ANKS1B: variants seen among roughly 807,000 people sequenced by gnomAD.
ANKS1B encodes ankyrin repeat and sterile alpha motif domain-containing protein 1B.
ANKS1B carries 36 observed loss-of-function variants against 148.3 expected under a neutral mutation model. The ratio of observed to expected loss-of-function variants is 0.24; its 90% CI spans 0.19 to 0.32. The LOEUF (loss-of-function observed/expected upper bound fraction) is 0.32. Among genes scored for constraint, ANKS1B ranks in the 10% least tolerant of loss-of-function variants. ANKS1B has a pLI of 1.00. For missense variants in ANKS1B, 1,157 were observed against 1,542.6 expected (o/e 0.75, Z 4.19); for synonymous variants, 542 against 560.8 (o/e 0.97, Z 0.47).
Position 99,564,491 on chromosome 12 carries a change from C to T in ANKS1B, c.1273-59850G>A, listed in dbSNP as rs529226422. 3.0e-4 allele frequency among the ~76,000 whole-genome samples: 45 copies of T among 151,528 alleles called. 1 individual carries two copies. The highest frequency in any genetic ancestry group is 9.7e-4 in the African/African-American group (40 of 41,374). ...TACATATTTAGAGAAAAAATAGAGA[C>T]CAATTTAAGAAATTCATGTTAATAA... On this transcript the variant is annotated intron_variant, in intron 9 of 26. Coordinates refer to ENST00000683438, the MANE Select transcript of ANKS1B (RefSeq NM_001352186.2).
At chr12:99,452,201 G>A (rs770372275) in intron 10 of ANKS1B, among the ~76,000 whole-genome samples, 1 of 151,940 alleles carries the variant, frequency 6.6e-6, no homozygotes, top group Non-Finnish European at 1.5e-5. Flanking sequence ...GGGTGTGTCC[G>A]TATTCCAAGA....
At chr12:98,942,961 A>G (rs1271650304) in intron 17 of ANKS1B, among the ~76,000 whole-genome samples, 1 of 152,250 alleles carries the variant, frequency 6.6e-6, no homozygotes, top group Non-Finnish European at 1.5e-5. Context: ...AATAGTGAGG[A>G]GTTCAAATGA....
At chr12:99,084,448 CTGTAA>C (rs552912437) in intron 16 of ANKS1B, among the ~76,000 whole-genome samples, 20 of 152,170 alleles carry the variant, frequency 1.3e-4, no homozygotes, top group Admixed American at 2.6e-4. Flanking sequence ...GGGTTCATGC[CTGTAA>C]TCCCAGAAGT....
intron 24 of ANKS1B, 105 bp downstream of exon 24, chr12:98,781,012 A>T: frequency 1.5e-6 from 1 of 671,996 alleles, no homozygotes; most frequent in Non-Finnish European, 2.5e-6. Flanking sequence ...GGGGAAAGGG[A>T]TGATTACAGT....
chr12:99,417,893 A>T (rs2094958942), intron 11 of ANKS1B, among the ~76,000 whole-genome samples: 1 of 152,206 alleles, frequency 6.6e-6, no homozygotes, highest in Non-Finnish European at 1.5e-5. Flanking sequence ...TTTATCAGGA[A>T]AAACCCTGCA....
At chr12:99,632,133 G>A (rs1047038793) in intron 9 of ANKS1B, among the ~76,000 whole-genome samples, 3 of 152,148 alleles carry the variant, frequency 2.0e-5, no homozygotes, top group Non-Finnish European at 4.4e-5. Flanking sequence ...GGTGCTCCAT[G>A]GTTGCCCCAG....
At chr12:99,030,154 A>G (rs2099951120) in intron 17 of ANKS1B, among the ~76,000 whole-genome samples, 1 of 152,222 alleles carries the variant, frequency 6.6e-6, no homozygotes, top group Non-Finnish European at 1.5e-5. Flanking sequence ...GCCTGGGCAC[A>G]CGTCAAAGAG....
intron 15 of ANKS1B, among the ~76,000 whole-genome samples, chr12:99,136,825 T>C (rs1277134309): frequency 6.6e-6 from 1 of 152,202 alleles, no homozygotes; most frequent in Non-Finnish European, 1.5e-5. Flanking sequence ...TATATATGTA[T>C]TATTTCATTT....
chr12:99,181,815 T>TAGTTATTTTTAA lies in ANKS1B; in HGVS notation c.2420-27432_2420-27421dup, dbSNP rs541314771. On this transcript the variant is annotated intron_variant, in intron 14 of 26. Coordinates refer to ENST00000683438, the MANE Select transcript of ANKS1B (RefSeq NM_001352186.2). ...TACAAACAGTCCAAGTACACTCTTTTAGTTATTTTTAAATGTATAATTAAA... is the reference window on the plus strand; with the variant it reads ...TACAAACAGTCCAAGTACACTCTTTTAGTTATTTTTAAAGTTATTTTTAAATGTATAATTAAA... 2.6e-4 allele frequency among the ~76,000 whole-genome samples: 40 copies of TAGTTATTTTTAA among 151,972 alleles called. 1 individual carries two copies. In the South Asian group the frequency reaches 8.1e-3, roughly 31 times the overall value.
chr12:99,301,124 G>A (rs2081540020), intron 12 of ANKS1B, among the ~76,000 whole-genome samples: 1 of 152,220 alleles, frequency 6.6e-6, no homozygotes, highest in South Asian at 2.1e-4. Flanking sequence ...GAAGATGGAT[G>A]TCCCAGCTCA....
intron 17 of ANKS1B, among the ~76,000 whole-genome samples, chr12:98,936,034 C>T (rs1262720547): frequency 6.6e-6 from 1 of 152,072 alleles, no homozygotes; most frequent in Admixed American, 6.6e-5. Flanking sequence ...ATGCCTTCTG[C>T]ATGATGCAAG....
chr12:99,653,629 AGATTTTGCTT>A (rs2098435715), intron 9 of ANKS1B, among the ~76,000 whole-genome samples: 1 of 150,834 alleles, frequency 6.6e-6, no homozygotes, highest in African/African-American at 2.4e-5. Context: ...TACATCCATC[AGATTTTGCTT>A]GATAAAGAAG....
chr12:99,443,718 G>A lies in ANKS1B; in HGVS notation c.1530C>T (p.Ser510=), dbSNP rs377316097. The change falls in exon 11 of 27, where the codon TCC becomes TCT. Residue 510 remains serine, a synonymous_variant. Coordinates refer to ENST00000683438, the MANE Select transcript of ANKS1B (RefSeq NM_001352186.2). ...TGPTPDCSPP[S]PDTALKNIVK... is the part of the protein sequence containing the mutation. ...CAATATTTTTGAGGGCAGTATCAGGGGATGGAGGTGAACAATCAGGTGTTG... is the reference window on the plus strand; with the variant it reads ...CAATATTTTTGAGGGCAGTATCAGGAGATGGAGGTGAACAATCAGGTGTTG... 12 of 1,612,218 alleles carry A rather than the reference G, an allele frequency of 7.4e-6. No individual in the cohort carries two copies. In the African/African-American group the frequency reaches 1.6e-4, roughly 22 times the overall value.
At chr12:99,585,845 T>A (rs2153231628) in intron 9 of ANKS1B, among the ~76,000 whole-genome samples, 1 of 152,160 alleles carries the variant, frequency 6.6e-6, no homozygotes, top group South Asian at 2.1e-4. Context: ...GGGCACCAAG[T>A]CCCTAGGCTG....
At chr12:99,247,294 A>C (rs2073987914) in intron 12 of ANKS1B, among the ~76,000 whole-genome samples, 1 of 152,210 alleles carries the variant, frequency 6.6e-6, no homozygotes, top group Admixed American at 6.5e-5. Flanking sequence ...ATATAATGAC[A>C]ACCCTCTGCC....
At chr12:98,895,657 C>T (rs946061546) in intron 17 of ANKS1B, among the ~76,000 whole-genome samples, 1 of 152,182 alleles carries the variant, frequency 6.6e-6, no homozygotes, top group Non-Finnish European at 1.5e-5. Flanking sequence ...GATCGGCCTC[C>T]AGTAGACTTG....
At chr12:99,751,313 T>A (rs2061086494) in intron 8 of ANKS1B, among the ~76,000 whole-genome samples, 2 of 151,958 alleles carry the variant, frequency 1.3e-5, no homozygotes, top group Admixed American at 6.6e-5. Flanking sequence ...AAAAAATAAA[T>A]AAAAATCAGT....
chr12:98,949,188 G>A (rs2099850368), intron 17 of ANKS1B, among the ~76,000 whole-genome samples: 1 of 151,822 alleles, frequency 6.6e-6, no homozygotes, highest in Non-Finnish European at 1.5e-5. Context: ...TCCTGACCTC[G>A]TGATCTGCCC....
chr12:99,405,306 A>C (rs2094505458), intron 11 of ANKS1B, among the ~76,000 whole-genome samples: 1 of 145,410 alleles, frequency 6.9e-6, no homozygotes, highest in Non-Finnish European at 1.5e-5. Flanking sequence ...GAAAAAATAG[A>C]CTGATAATAA....
Sources: allele counts gnomAD v4.1 joint callset (sites outside exome capture counted in the v4.1 genomes callset), GRCh38; gene constraint gnomAD v4.1.1; transcripts MANE v1.5; gene names NCBI Gene and HGNC (gene_info 2026-07-23, HGNC 2026-07-21).